FBL: variants seen among roughly 807,000 people sequenced by gnomAD.
The protein encoded by FBL is rRNA 2'-O-methyltransferase fibrillarin.
FBL carries 10 observed loss-of-function variants against 42.2 expected under a neutral mutation model. The observed-to-expected ratio is 0.24, with a 90% CI of 0.15 to 0.40. The LOEUF (loss-of-function observed/expected upper bound fraction) is 0.40. Among genes scored for constraint, FBL ranks in the 10% least tolerant of loss-of-function variants. FBL has a pLI of 1.00. For synonymous variants in FBL, 165 were observed against 165.4 expected (o/e 1.00, Z 0.02); for missense variants, 351 against 439.2 (o/e 0.80, Z 1.79).
At chr19:39,839,564 G>C (rs1229701261) in intron 4 of FBL, among the ~76,000 whole-genome samples, 1 of 152,074 alleles carries the variant, frequency 6.6e-6, no homozygotes, top group Non-Finnish European at 1.5e-5. Context: ...ATACAACATG[G>C]CATATGAGAT....
At chr19:39,838,145 C>T in intron 5 of FBL, 1 of 333,140 alleles carries the variant, frequency 3.0e-6, no homozygotes. Flanking sequence ...TAACAATGGG[C>T]CAACCACTGC....
At chr19:39,845,228 G>A (rs887760368) in intron 1 of FBL, among the ~76,000 whole-genome samples, 4 of 152,188 alleles carry the variant, frequency 2.6e-5, no homozygotes, top group African/African-American at 9.7e-5. Flanking sequence ...TTCTCACACA[G>A]ATGAGTGCGG....
intron 7 of FBL, among the ~76,000 whole-genome samples, chr19:39,835,755 G>A (rs1315601355): frequency 1.3e-5 from 2 of 151,386 alleles, no homozygotes; most frequent in Admixed American, 6.6e-5. Flanking sequence ...GCAAAACCCC[G>A]TCTCCACTAA....
At chr19:39,845,240 T>C (rs928349654) in intron 1 of FBL, among the ~76,000 whole-genome samples, 7 of 152,146 alleles carry the variant, frequency 4.6e-5, no homozygotes, top group East Asian at 1.9e-4. Flanking sequence ...TGAGTGCGGG[T>C]TGGGCAGGCC....
chr19:39,839,754 G>C (rs535478151), intron 4 of FBL, among the ~76,000 whole-genome samples: 1 of 152,206 alleles, frequency 6.6e-6, no homozygotes, highest in South Asian at 2.1e-4. Context: ...ACATTCCCAC[G>C]AGAGGGAGAG....
chr19:39,839,270 C>A (rs1969111007), intron 4 of FBL, 65 bp from the exon 5 acceptor site: 1 of 1,379,252 alleles, frequency 7.3e-7, no homozygotes, highest in African/African-American at 1.5e-5. Flanking sequence ...TGCCTTTAAC[C>A]CTAGGAGCCT....
rs1324079414 is a variant in FBL at position 39,840,508 on chromosome 19, G to A, written c.189C>T (p.Gly63=). ...GACCCCGGTTGCCACCAGAATGGAA[G>A]CCTCCACCTATAAAGGAGAGGTACA... ...GGGGGGRGGG[G]FHSGGNRGRG... The change falls in exon 3 of 9, where the codon GGC becomes GGT. Residue 63 remains glycine (G), a synonymous_variant. Transcript: ENST00000221801. This position sits in a 1 kb window ranked among gnomAD's most constrained non-coding sequence, Gnocchi z 4.5. 5 of 1,614,076 alleles carry A rather than the reference G, an allele frequency of 3.1e-6. No homozygotes were observed. The highest frequency in any genetic ancestry group is 8.5e-7 in the Non-Finnish European group (1 of 1,180,004).
chr19:39,839,434 C>G (rs1270174594), intron 4 of FBL, among the ~76,000 whole-genome samples: 1 of 152,224 alleles, frequency 6.6e-6, no homozygotes, highest in Admixed American at 6.5e-5. Flanking sequence ...AAAACCAGCA[C>G]TTGTTCAACA....
Position 39,836,641 on chromosome 19 carries a change from A to G in FBL, c.710T>C (p.Val237Ala). 1.9e-6 allele frequency: 3 copies of G among 1,614,096 alleles called. No homozygotes were observed. Among genetic ancestry groups the G allele is most frequent in the Non-Finnish European group, 2.5e-6 (3 of 1,179,918 alleles). ...IAMVDVIFAD[V>A]AQPDQTRIVA... ...AATCCGGGTCTGGTCTGGCTGGGCC[A>G]CATCAGCAAAGATCACATCCACCAT... Residue 237 changes from valine (V) to alanine (A), a missense_variant, in exon 7 of 9, where the codon GTG becomes GCG. Val to Ala is a moderately conservative substitution (Grantham distance 64). Transcript: ENST00000221801.
intron 5 of FBL, 24 bp downstream of exon 5, chr19:39,839,011 C>A (rs1263071644): frequency 6.3e-7 from 1 of 1,594,576 alleles, no homozygotes; most frequent in South Asian, 1.1e-5. Context: ...TACCTCCTGC[C>A]TGACTCTCCA....
At chr19:39,843,030 T>C (rs973996279) in intron 1 of FBL, among the ~76,000 whole-genome samples, 1 of 152,216 alleles carries the variant, frequency 6.6e-6, no homozygotes, top group African/African-American at 2.4e-5. Flanking sequence ...GATAAAATGT[T>C]AGTTCCCCAG....
At position 39,846,304 on chromosome 19, in the gene FBL, G is replaced by A. The variant is rs1161425350; in HGVS notation, c.-4C>T. ...CCCCAGCCTGACCTGGCTTCATGGC[G>A]AGCCCTGGTTTGTGCGGCTCCGGAG... On this transcript the variant is annotated 5_prime_UTR_variant, in exon 1 of 9. Transcript: ENST00000221801. 1.9e-6 allele frequency: 3 copies of A among 1,613,712 alleles called. No individual in the cohort carries two copies. Among genetic ancestry groups the A allele is most frequent in the East Asian group, 4.5e-5 (2 of 44,860 alleles).
At position 39,841,749 on chromosome 19, in the gene FBL, C is replaced by G. The variant is rs141999142; in HGVS notation, c.11-962G>C. ...TGCTTCCAAGCTTAAAGAAGTCCCT[C>G]TCAGCTCAGGGGAAAAACAAGAAAA... is the stretch of plus-strand genomic sequence containing the variant. On this transcript the variant is annotated intron_variant, in intron 1 of 8. Transcript: ENST00000221801. Among the ~76,000 whole-genome samples, 232 of 152,298 alleles carry G rather than the reference C, an allele frequency of 1.5e-3. 1 individual carries two copies. Among genetic ancestry groups the G allele is most frequent in the African/African-American group, 5.3e-3 (221 of 41,546 alleles).
At chr19:39,843,495 C>T (rs1275435932) in intron 1 of FBL, among the ~76,000 whole-genome samples, 1 of 152,236 alleles carries the variant, frequency 6.6e-6, no homozygotes, top group African/African-American at 2.4e-5. Context: ...CCAGGCCACG[C>T]GCCATAGCTC....
rs73550482 is a variant in FBL, at chr19:39,846,320, G to A, written c.-20C>T. On this transcript the variant is annotated 5_prime_UTR_variant, in exon 1 of 9. Coordinates refer to ENST00000221801, the MANE Select transcript of FBL (RefSeq NM_001436.4). ...CTTCATGGCGAGCCCTGGTTTGTGC[G>A]GCTCCGGAGTCCGCGGCGTTCACAA... 6.2e-6 allele frequency: 10 copies of A among 1,612,924 alleles called. No homozygotes were observed. Among genetic ancestry groups the A allele is most frequent in the African/African-American group, 1.3e-5 (1 of 74,894 alleles).
At position 39,846,369 on chromosome 19, in the gene FBL, A is replaced by G; in HGVS notation, c.-69T>C. 1.3e-6 allele frequency: 2 copies of G among 1,598,144 alleles called. No homozygotes were observed. Among genetic ancestry groups the G allele is most frequent in the Non-Finnish European group, 1.7e-6 (2 of 1,171,198 alleles). ...AACTCCACGAGTCCGGGGCTTTCGC[A>G]CGTGGAAAAGAGCGCAGGCGCGCGG... On this transcript the variant is annotated 5_prime_UTR_variant, in exon 1 of 9. Coordinates refer to ENST00000221801, the MANE Select transcript of FBL (RefSeq NM_001436.4).
chr19:39,838,047 A>G, intron 5 of FBL: 1 of 518,444 alleles, frequency 1.9e-6, no homozygotes, highest in South Asian at 2.3e-5. Flanking sequence ...TTATTCAGCA[A>G]GTAGCAAAAG....
chr19:39,845,627 CCA>C (rs968156847), intron 1 of FBL, among the ~76,000 whole-genome samples: 1 of 152,218 alleles, frequency 6.6e-6, no homozygotes, highest in African/African-American at 2.4e-5. Flanking sequence ...CCCCACCACC[CCA>C]GACTAATGCC....
Position 39,838,828 on chromosome 19 carries a change from G to A in FBL, c.549+207C>T, listed in dbSNP as rs548682001. The A allele has an allele frequency of 4.1e-3, 2,242 of 541,706 alleles. 35 individuals carry two copies. Among genetic ancestry groups the A allele is most frequent in the Non-Finnish European group, 2.4e-3 (743 of 307,064 alleles). 33.6% of individuals were successfully genotyped at this position (541,706 alleles called of 1,614,324 possible). A position where few individuals can be genotyped will look rare whatever the true frequency, so the allele number is the denominator to read the frequency against. ...CTAAGGTTGGTCACCCCACACCCACGTCTCTTCCCTTGAGGCCAAGAACCC... is the reference window on the plus strand; with the variant it reads ...CTAAGGTTGGTCACCCCACACCCACATCTCTTCCCTTGAGGCCAAGAACCC... On this transcript the variant is annotated intron_variant, in intron 5 of 8. Transcript: ENST00000221801.
Sources: allele counts gnomAD v4.1 joint callset (sites outside exome capture counted in the v4.1 genomes callset), GRCh38; gene constraint gnomAD v4.1.1; non-coding constraint Gnocchi (gnomAD v3.1); transcripts MANE v1.5; gene names NCBI Gene and HGNC (gene_info 2026-07-23, HGNC 2026-07-21).